ITPR1: variants seen among roughly 807,000 people sequenced by gnomAD.
The protein encoded by ITPR1 is inositol 1,4,5-trisphosphate-gated calcium channel ITPR1.
A neutral mutation model predicts 318.4 loss-of-function variants in ITPR1; 96 were observed. The ratio of observed to expected loss-of-function variants is 0.30; its 90% CI spans 0.26 to 0.36. ITPR1 has a LOEUF of 0.36. ITPR1 is among the 10% of genes least tolerant of loss of function. The pLI is 1.00. For synonymous variants in ITPR1, 1,312 were observed against 1,289.9 expected (o/e 1.02, Z -0.37); for missense variants, 2,440 against 3,460.2 (o/e 0.71, Z 7.40).
intron 44 of ITPR1, among the ~76,000 whole-genome samples, chr3:4,748,671 T>C (rs1420811962): frequency 6.6e-6 from 1 of 152,180 alleles, no homozygotes; most frequent in East Asian, 1.9e-4. Flanking sequence ...TTCCGATTAG[T>C]GGATACGTGT....
chr3:4,530,443 T>A (rs1439331798), intron 4 of ITPR1, among the ~76,000 whole-genome samples: 1 of 152,216 alleles, frequency 6.6e-6, no homozygotes, highest in Non-Finnish European at 1.5e-5. Flanking sequence ...GACTTAACGC[T>A]GCCCTGTAAT....
intron 44 of ITPR1, among the ~76,000 whole-genome samples, chr3:4,746,644 C>T (rs2044128513): frequency 6.6e-6 from 1 of 152,236 alleles, no homozygotes; most frequent in South Asian, 2.1e-4. Flanking sequence ...TCTGTCTTCA[C>T]TCCGAGTCCC....
rs773004535 is a variant in ITPR1, at chr3:4,676,820, TG to T, written c.2967+23del. Reference sequence around the variant, plus strand: ...ACTCCAGGTATCCACTAGCTGGAGCTGGGGTAGGGAGGGTATGTCACAGAGG... The same window carrying T: ...ACTCCAGGTATCCACTAGCTGGAGCTGGGTAGGGAGGGTATGTCACAGAGG... On this transcript the variant is annotated intron_variant, in intron 24 of 61. Coordinates refer to ENST00000649015, the MANE Select transcript of ITPR1 (RefSeq NM_001378452.1). 44 of 1,592,440 alleles carry T rather than the reference TG, an allele frequency of 2.8e-5. No individual in the cohort carries two copies. Among genetic ancestry groups the T allele is most frequent in the Non-Finnish European group, 3.6e-5 (42 of 1,164,578 alleles).
chr3:4,704,579 T>C (rs1212083931), intron 36 of ITPR1, among the ~76,000 whole-genome samples: 1 of 152,128 alleles, frequency 6.6e-6, no homozygotes, highest in Non-Finnish European at 1.5e-5. Flanking sequence ...AAAAAAGTTG[T>C]GCTTGTTGAG....
chr3:4,786,610 G>A (rs1327201025), intron 51 of ITPR1, among the ~76,000 whole-genome samples: 1 of 152,192 alleles, frequency 6.6e-6, no homozygotes, highest in African/African-American at 2.4e-5. Context: ...CTACTATACT[G>A]TAACCCATAG....
rs2048456513 is a variant in ITPR1, at chr3:4,804,815, G to A, written c.7108-1288G>A. On this transcript the variant is annotated intron_variant, in intron 54 of 61. Coordinates refer to ENST00000649015, the MANE Select transcript of ITPR1 (RefSeq NM_001378452.1). ...CTGAGAAAGCCAGCAGCGATCTGTG[G>A]GTGTCGGCTTCCTCGCTTATCTGAT... 2.0e-5 allele frequency among the ~76,000 whole-genome samples: 3 copies of A among 152,236 alleles called. 1 individual carries two copies. Among genetic ancestry groups the A allele is most frequent in the Middle Eastern group, 6.8e-3 (2 of 294 alleles).
At chr3:4,535,441 A>ATTT (rs2083770460) in intron 4 of ITPR1, among the ~76,000 whole-genome samples, 28 of 80,818 alleles carry the variant, frequency 3.5e-4, no homozygotes, top group East Asian at 1.2e-3. Context: ...TTTTTTTTTT[A>ATTT]ATTTTTTTTT....
intron 4 of ITPR1, among the ~76,000 whole-genome samples, chr3:4,566,047 C>G (rs932553818): frequency 1.3e-5 from 2 of 152,094 alleles, no homozygotes; most frequent in Non-Finnish European, 2.9e-5. Context: ...TCCTGGTAGC[C>G]AAATCCCTGT....
At chr3:4,567,819 G>A (rs572873111) in intron 4 of ITPR1, among the ~76,000 whole-genome samples, 14 of 152,226 alleles carry the variant, frequency 9.2e-5, no homozygotes, top group Middle Eastern at 3.4e-3. Context: ...GTCCAGGCTA[G>A]TCGTGAATTC....
chr3:4,802,907 AG>A (rs2048329788), intron 54 of ITPR1, among the ~76,000 whole-genome samples: 1 of 152,180 alleles, frequency 6.6e-6, no homozygotes, highest in Non-Finnish European at 1.5e-5. Context: ...GTGGGCACAG[AG>A]TCAGAGCCTT....
Position 4,664,954 on chromosome 3 carries a change from T to C in ITPR1, c.1555-184T>C, listed in dbSNP as rs146732093. On this transcript the variant is annotated intron_variant, in intron 16 of 61. Coordinates refer to ENST00000649015, the MANE Select transcript of ITPR1 (RefSeq NM_001378452.1). ...TGAGGACCAGTGGAGTCCAGTAGACTTAATTCAGCGCGTCTCCCATCTCAG... is the reference window on the plus strand; with the variant it reads ...TGAGGACCAGTGGAGTCCAGTAGACCTAATTCAGCGCGTCTCCCATCTCAG... Among the ~76,000 whole-genome samples the C allele has an allele frequency of 4.9e-3, 740 of 152,340 alleles. 6 individuals carry two copies. Among genetic ancestry groups the C allele is most frequent in the African/African-American group, 0.017 (708 of 41,572 alleles).
Position 4,699,857 on chromosome 3 carries a change from G to A in ITPR1, c.4452G>A (p.Leu1484=). ...TSDRKHADSI[L]EKYVTEIVMS... is the part of the protein sequence containing the mutation. Reference sequence around the variant, plus strand: ...ACAGGAAACATGCAGACTCGATTTTGGAGAAGTATGTCACCGAAATCGTCA... The same window carrying A: ...ACAGGAAACATGCAGACTCGATTTTAGAGAAGTATGTCACCGAAATCGTCA... Residue 1484 remains leucine, a synonymous_variant, in exon 35 of 62, where the codon TTG becomes TTA. Coordinates refer to ENST00000649015, the MANE Select transcript of ITPR1 (RefSeq NM_001378452.1). 1 of 1,613,746 alleles carries A rather than the reference G, an allele frequency of 6.2e-7. No individual in the cohort carries two copies. The highest frequency in any genetic ancestry group is 8.5e-7 in the Non-Finnish European group (1 of 1,179,728).
intron 13 of ITPR1, among the ~76,000 whole-genome samples, chr3:4,658,665 A>C (rs1575953776): frequency 6.6e-6 from 1 of 152,034 alleles, no homozygotes; most frequent in East Asian, 2.0e-4. Context: ...GAAATTCTAC[A>C]AGATAAAATA....
rs140403955 is a variant in ITPR1, at chr3:4,656,066, A to G, written c.997-2058A>G. Among the ~76,000 whole-genome samples, 427 of 152,130 alleles carry G rather than the reference A, an allele frequency of 2.8e-3. 2 individuals carry two copies. Among genetic ancestry groups the G allele is most frequent in the African/African-American group, 9.9e-3 (409 of 41,498 alleles). On this transcript the variant is annotated intron_variant, in intron 12 of 61. Transcript: ENST00000649015. ...TTGTGCTCGTCCTTCTAAATTCAGC[A>G]CCCTGAAGACACTTGCTTGGTGCCA... is the stretch of plus-strand genomic sequence containing the variant.
At chr3:4,754,048 T>TGG (rs1553727648) in intron 44 of ITPR1, among the ~76,000 whole-genome samples, 6,251 of 90,664 alleles carry the variant, frequency 0.069, 315 homozygotes, top group Non-Finnish European at 0.077. Context: ...ACACAGAAAA[T>TGG]GGGGGGGGGG....
In ITPR1 at chr3:4,696,818, G is replaced by A. The variant is rs1030133285; in HGVS notation, c.4282-329G>A. Among the ~76,000 whole-genome samples the A allele has an allele frequency of 5.3e-5, 8 of 151,340 alleles. No homozygotes were observed. In the South Asian group the frequency reaches 1.7e-3, roughly 32 times the overall value. ...TTGTTACACGCCTTGCAGATATCTT[G>A]TCCCAACTTGGGCCCATTTACCTCT... On this transcript the variant is annotated intron_variant, in intron 33 of 61. Transcript: ENST00000649015.
At chr3:4,827,456 G>GTCTT (rs2050152694) in intron 60 of ITPR1, among the ~76,000 whole-genome samples, 1 of 152,178 alleles carries the variant, frequency 6.6e-6, no homozygotes, top group African/African-American at 2.4e-5. Context: ...TAAAACCTGC[G>GTCTT]TCTTTACAAT....
At chr3:4,795,391 T>A (rs75722182) in intron 53 of ITPR1, among the ~76,000 whole-genome samples, 1 of 152,222 alleles carries the variant, frequency 6.6e-6, no homozygotes, top group Non-Finnish European at 1.5e-5. Flanking sequence ...CCATTTTTTT[T>A]AACCAGGAAA....
chr3:4,617,619 T>G (rs1446985217), intron 4 of ITPR1, among the ~76,000 whole-genome samples: 1 of 152,156 alleles, frequency 6.6e-6, no homozygotes, highest in Non-Finnish European at 1.5e-5. Context: ...AGATCCAGAT[T>G]TTGTTGTTTC....
Sources: allele counts gnomAD v4.1 joint callset (sites outside exome capture counted in the v4.1 genomes callset), GRCh38; gene constraint gnomAD v4.1.1; transcripts MANE v1.5; gene names NCBI Gene and HGNC (gene_info 2026-07-23, HGNC 2026-07-21).